Variants in PRELID2 observed in about 807,000 individuals in gnomAD.
PRELID2 encodes PRELI domain-containing protein 2.
A neutral mutation model predicts 28.4 loss-of-function variants in PRELID2; 25 were observed. That is an observed-to-expected ratio of 0.88 (90% confidence interval 0.64 to 1.23). PRELID2 has a LOEUF of 1.23. PRELID2 is among the 50% of genes most tolerant of loss of function. PRELID2 has a pLI of 0.00. For missense variants in PRELID2, 201 were observed against 214.4 expected (o/e 0.94, Z 0.39); for synonymous variants, 76 against 71.6 (o/e 1.06, Z -0.31).
At chr5:145,348,701 G>C in the PRELID2 span, among the ~76,000 whole-genome samples, 1 of 150,980 alleles carries the variant, frequency 6.6e-6, no homozygotes, top group South Asian at 2.1e-4. Context: ...TTCCAACAAT[G>C]GTATAATTGT....
intron 1 of PRELID2, among the ~76,000 whole-genome samples, chr5:145,647,064 C>T (rs1561530743): frequency 6.6e-6 from 1 of 152,232 alleles, no homozygotes; most frequent in Non-Finnish European, 1.5e-5. Context: ...AGGTCCACTG[C>T]TCTCTTCAGA....
At chr5:145,788,726 A>G (rs1249767141) in intron 5 of PRELID2, among the ~76,000 whole-genome samples, 1 of 152,062 alleles carries the variant, frequency 6.6e-6, no homozygotes, top group Non-Finnish European at 1.5e-5. Flanking sequence ...AAAATCATCT[A>G]TGTTTGCTGG....
downstream of PRELID2, among the ~76,000 whole-genome samples, chr5:145,471,196 C>G (rs921761146): frequency 1.5e-4 from 23 of 152,224 alleles, no homozygotes; most frequent in African/African-American, 5.1e-4. Flanking sequence ...TAACTTTTCA[C>G]CAGCTATATG....
the PRELID2 span, among the ~76,000 whole-genome samples, chr5:145,412,370 CA>C: frequency 2.6e-5 from 4 of 152,164 alleles, no homozygotes; most frequent in Non-Finnish European, 5.9e-5. Flanking sequence ...ATCTCTACGG[CA>C]GGGGCAAAAT....
At chr5:145,422,234 A>G in the PRELID2 span, among the ~76,000 whole-genome samples, 1 of 150,234 alleles carries the variant, frequency 6.7e-6, no homozygotes, top group Non-Finnish European at 1.5e-5. Context: ...AGAGCTCTGT[A>G]GATGTCTATT....
the PRELID2 span, among the ~76,000 whole-genome samples, chr5:145,273,172 G>A: frequency 6.6e-6 from 1 of 152,128 alleles, no homozygotes; most frequent in African/African-American, 2.4e-5. Flanking sequence ...CTCTGGTAGG[G>A]AATGAACTGA....
chr5:145,724,649 T>A (rs1285527863), intron 1 of PRELID2, among the ~76,000 whole-genome samples: 14 of 62,350 alleles, frequency 2.2e-4, no homozygotes, highest in African/African-American at 5.4e-4. Flanking sequence ...ATATATATAA[T>A]GCCTGTAACT....
At chr5:145,313,733 C>G in the PRELID2 span, among the ~76,000 whole-genome samples, 1 of 152,162 alleles carries the variant, frequency 6.6e-6, no homozygotes, top group Non-Finnish European at 1.5e-5. Context: ...TTCTTTCTTT[C>G]CCATCCCTCA....
At chr5:145,405,736 T>C in the PRELID2 span, among the ~76,000 whole-genome samples, 2 of 145,096 alleles carry the variant, frequency 1.4e-5, no homozygotes, top group African/African-American at 5.1e-5. Flanking sequence ...GGTGTAGTCT[T>C]CCTCTGTTGC....
At chr5:145,499,183 G>A (rs148935507) in intron 1 of PRELID2, among the ~76,000 whole-genome samples, 2 of 152,198 alleles carry the variant, frequency 1.3e-5, no homozygotes, top group East Asian at 3.9e-4. Context: ...AGGAGGCTGA[G>A]GATGCAGTGA....
intron 1 of PRELID2, among the ~76,000 whole-genome samples, chr5:145,665,998 AAAAAG>A (rs905005771): frequency 1.3e-5 from 2 of 151,254 alleles, no homozygotes; most frequent in African/African-American, 4.9e-5. Context: ...AAAAAAAAAA[AAAAAG>A]AAAGAAAGAA....
chr5:145,314,677 GT>G, the PRELID2 span, among the ~76,000 whole-genome samples: 1 of 151,756 alleles, frequency 6.6e-6, no homozygotes, highest in Non-Finnish European at 1.5e-5. Context: ...TGCCATAGTA[GT>G]TTTCATTATT....
chr5:145,383,888 A>G, the PRELID2 span, among the ~76,000 whole-genome samples: 700 of 151,484 alleles, frequency 4.6e-3, 2 homozygotes, highest in African/African-American at 0.016. Flanking sequence ...GTATGTGTGT[A>G]TATATATATG....
In PRELID2 at chr5:145,820,026, A is replaced by C. The variant is rs1308058190; in HGVS notation, c.134-8T>G. The C allele has an allele frequency of 6.4e-7, 1 of 1,554,120 alleles. No individual in the cohort carries two copies. Among genetic ancestry groups the C allele is most frequent in the Non-Finnish European group, 8.8e-7 (1 of 1,139,982 alleles). ...TGACCCCTGTTGATTCATCTAAAAA[A>C]GAAATTTTTTTACACAAAAAAAAAT... On this transcript the variant is annotated splice_region_variant and splice_polypyrimidine_tract_variant and intron_variant, in intron 2 of 6. Coordinates refer to ENST00000683046, the MANE Select transcript of PRELID2 (RefSeq NM_205846.3).
chr5:145,358,605 G>C, the PRELID2 span, among the ~76,000 whole-genome samples: 1 of 152,094 alleles, frequency 6.6e-6, no homozygotes, highest in African/African-American at 2.4e-5. Flanking sequence ...TGACCAAAGG[G>C]AGAAAAGATG....
intron 1 of PRELID2, among the ~76,000 whole-genome samples, chr5:145,495,931 C>G (rs954533639): frequency 5.3e-5 from 8 of 152,144 alleles, no homozygotes; most frequent in African/African-American, 1.7e-4. Context: ...GAGTGTGAGT[C>G]ACCGGAGAAT....
chr5:145,708,677 T>C (rs1362722044), intron 1 of PRELID2, among the ~76,000 whole-genome samples: 1 of 152,198 alleles, frequency 6.6e-6, no homozygotes, highest in African/African-American at 2.4e-5. Context: ...CATTCTTGCC[T>C]GGGGAGAACA....
chr5:145,652,270 T>C (rs975820730), intron 1 of PRELID2, among the ~76,000 whole-genome samples: 9 of 152,206 alleles, frequency 5.9e-5, no homozygotes, highest in African/African-American at 2.2e-4. Context: ...ACCAAATCTA[T>C]GTCTGATTGG....
At chr5:145,530,527 G>A (rs532855707) in intron 1 of PRELID2, among the ~76,000 whole-genome samples, 7 of 152,052 alleles carry the variant, frequency 4.6e-5, no homozygotes, top group African/African-American at 1.7e-4. Flanking sequence ...CAGGAAGGAC[G>A]ATGATGAGTA....
Sources: allele counts gnomAD v4.1 joint callset (sites outside exome capture counted in the v4.1 genomes callset), GRCh38; gene constraint gnomAD v4.1.1; transcripts MANE v1.5; gene names NCBI Gene and HGNC (gene_info 2026-07-23, HGNC 2026-07-21).